NOSIP: variants seen among roughly 807,000 people sequenced by gnomAD.
NOSIP encodes the protein nitric oxide synthase-interacting protein.
A neutral mutation model predicts 36.4 loss-of-function variants in NOSIP; 25 were observed. The ratio of observed to expected loss-of-function variants is 0.69; its 90% confidence interval spans 0.50 to 0.96. NOSIP has a LOEUF of 0.96. Ranked by LOEUF, NOSIP falls within the 40% of genes least tolerant of loss-of-function variation. NOSIP has a pLI of 0.00. For synonymous variants in NOSIP, 187 were observed against 179.2 expected (o/e 1.04, Z -0.35); for missense variants, 370 against 429.0 (o/e 0.86, Z 1.21).
At chr19:49,572,112 CT>C (rs1160355321) in intron 1 of NOSIP, among the ~76,000 whole-genome samples, 10 of 118,014 alleles carry the variant, frequency 8.5e-5, no homozygotes, top group South Asian at 2.9e-4. Context: ...TTTTTTTTTT[CT>C]TTTTTTTTTG....
chr19:49,560,563 G>A lies in NOSIP; in HGVS notation c.70+59C>T. 7.3e-7 allele frequency: 1 copy of A among 1,362,116 alleles called. No individual in the cohort carries two copies. Among genetic ancestry groups the A allele is most frequent in the South Asian group, 1.2e-5 (1 of 80,232 alleles). The allele number at this position is 1,362,116 out of a possible 1,614,324, so 84.4% of individuals were successfully genotyped here. ...GAGGAAGCAAAACCTGGGGCACGAG[G>A]GGAGAGGGTGACTCCAAGACACAGC... is the stretch of plus-strand genomic sequence containing the variant. On this transcript the variant is annotated intron_variant, in intron 2 of 8. Coordinates refer to ENST00000596358, the MANE Select transcript of NOSIP (RefSeq NM_001270960.2). The surrounding 1 kb of genome is among the most constrained non-coding windows in gnomAD (Gnocchi z 4.6).
intron 6 of NOSIP, 61 bp from the exon 7 acceptor site, chr19:49,556,797 G>A (rs2080255149): frequency 6.3e-7 from 1 of 1,593,900 alleles, no homozygotes. Context: ...GAGAGCGCGT[G>A]GTCCCTGTGC....
intron 1 of NOSIP, among the ~76,000 whole-genome samples, chr19:49,568,779 TAA>T (rs1555735527): frequency 1.8e-4 from 20 of 113,828 alleles, no homozygotes; most frequent in East Asian, 2.4e-4. Flanking sequence ...ACCCCATCTC[TAA>T]AAAAAAAAAA....
intron 4 of NOSIP, chr19:49,557,525 A>G (rs1480063516): frequency 3.1e-6 from 4 of 1,285,544 alleles, no homozygotes; most frequent in Non-Finnish European, 4.0e-6. Context: ...ACAGCCTAAC[A>G]GTGGTTACCC....
At chr19:49,571,177 G>A (rs2080479593) in intron 1 of NOSIP, among the ~76,000 whole-genome samples, 1 of 150,084 alleles carries the variant, frequency 6.7e-6, no homozygotes, top group African/African-American at 2.5e-5. Flanking sequence ...GTAGAGACAG[G>A]GTTTCACCAT....
chr19:49,575,598 C>CA (rs1568412122), intron 1 of NOSIP, among the ~76,000 whole-genome samples: 1 of 152,072 alleles, frequency 6.6e-6, no homozygotes, highest in African/African-American at 2.4e-5. Flanking sequence ...TCTAGGAAGT[C>CA]AGAGGATATA....
At chr19:49,576,675 G>A (rs2080557298) in intron 1 of NOSIP, among the ~76,000 whole-genome samples, 1 of 151,500 alleles carries the variant, frequency 6.6e-6, no homozygotes, top group Non-Finnish European at 1.5e-5. Flanking sequence ...ACCTGAGGTT[G>A]GGAATTCGAG....
chr19:49,559,013 G>C, intron 3 of NOSIP, 35 bp from the exon 4 acceptor site: 1 of 1,574,764 alleles, frequency 6.4e-7, no homozygotes. Context: ...AAGAAAGAAA[G>C]TGATCCTCCC....
At chr19:49,563,752 C>G (rs2080366764) in intron 1 of NOSIP, among the ~76,000 whole-genome samples, 1 of 152,086 alleles carries the variant, frequency 6.6e-6, no homozygotes, top group South Asian at 2.1e-4. Context: ...GCCTCGGCCT[C>G]CCAAAGTGCT....
intron 1 of NOSIP, among the ~76,000 whole-genome samples, chr19:49,566,425 T>C (rs2080409051): frequency 6.6e-6 from 1 of 152,042 alleles, no homozygotes; most frequent in African/African-American, 2.4e-5. Context: ...CCTCCCACCA[T>C]AGCTTCCCAA....
intron 1 of NOSIP, among the ~76,000 whole-genome samples, chr19:49,568,044 A>G (rs1568408196): frequency 6.6e-6 from 1 of 152,230 alleles, no homozygotes; most frequent in Non-Finnish European, 1.5e-5. Flanking sequence ...AATCACAGCA[A>G]TATGCAAAAT....
chr19:49,571,305 C>T (rs186342728), intron 1 of NOSIP, among the ~76,000 whole-genome samples: 133 of 152,050 alleles, frequency 8.7e-4, no homozygotes, highest in African/African-American at 3.1e-3. Context: ...ATTTTTAAAA[C>T]TCAGTGATTT....
In NOSIP at chr19:49,557,110, G is replaced by A. The variant is rs2080262627; in HGVS notation, c.398C>T (p.Ala133Val). Reference sequence around the variant, plus strand: ...GTCACCTGGGCTGGTGCCCGAGAGGGCCTTGGCTGTGAAAGGGTTGAGGGG... The same window carrying A: ...GTCACCTGGGCTGGTGCCCGAGAGGACCTTGGCTGTGAAAGGGTTGAGGGG... The part of the protein sequence containing the change: ...SRPLNPFTAK[A>V]LSGTSPDDVQ... The change falls in exon 5 of 9, where the codon GCC becomes GTC. Residue 133 changes from alanine (A) to valine (V), a missense_variant. Coordinates refer to ENST00000596358, the MANE Select transcript of NOSIP (RefSeq NM_001270960.2). 1.2e-6 allele frequency: 2 copies of A among 1,612,716 alleles called. No homozygotes were observed. Among genetic ancestry groups the A allele is most frequent in the Admixed American group, 1.7e-5 (1 of 59,866 alleles).
Position 49,557,256 on chromosome 19 carries a change from C to G in NOSIP, c.259-7G>C. The G allele has an allele frequency of 4.4e-6, 7 of 1,574,462 alleles. No individual in the cohort carries two copies. Among genetic ancestry groups the G allele is most frequent in the Non-Finnish European group, 4.3e-6 (5 of 1,161,390 alleles). On this transcript the variant is annotated splice_polypyrimidine_tract_variant and splice_region_variant and intron_variant, in intron 4 of 8. Transcript: ENST00000596358. ...CCCGCTGCTTCTCGTAGGCCTGCGT[C>G]GGGGAAAGTGGGCTGAGCATCTGCC...
intron 1 of NOSIP, among the ~76,000 whole-genome samples, chr19:49,577,547 GAAAA>G (rs963323693): frequency 2.8e-5 from 4 of 144,840 alleles, no homozygotes; most frequent in Non-Finnish European, 6.1e-5. Flanking sequence ...CTCAAAAAAA[GAAAA>G]AAAAAGAAAA....
chr19:49,568,143 A>G (rs1425639061), intron 1 of NOSIP, among the ~76,000 whole-genome samples: 1 of 152,232 alleles, frequency 6.6e-6, no homozygotes, highest in African/African-American at 2.4e-5. Flanking sequence ...AAAGAAAAAG[A>G]TAAGAACAGA....
rs2080316563 is a variant in NOSIP, at chr19:49,560,408, G to T, written c.70+214C>A. 1.7e-6 allele frequency: 1 copy of T among 597,632 alleles called. No individual in the cohort carries two copies. Among genetic ancestry groups the T allele is most frequent in the Non-Finnish European group, 3.0e-6 (1 of 333,142 alleles). The allele number at this position is 597,632 out of a possible 1,614,324, so 37.0% of individuals were successfully genotyped here. A position where few individuals can be genotyped will look rare whatever the true frequency, so the allele number is the denominator to read the frequency against. ...AGCACCCTCCCTGACACTCTGTTGG[G>T]AGGAGTGAGTTCATGCGCAGAAGGC... is the stretch of plus-strand genomic sequence containing the variant. On this transcript the variant is annotated intron_variant, in intron 2 of 8. Transcript: ENST00000596358. This position sits in a 1 kb window ranked among gnomAD's most constrained non-coding sequence, Gnocchi z 4.6.
chr19:49,560,116 G>T lies in NOSIP; in HGVS notation c.71-77C>A. On this transcript the variant is annotated intron_variant, in intron 2 of 8. Coordinates refer to ENST00000596358, the MANE Select transcript of NOSIP (RefSeq NM_001270960.2). The surrounding 1 kb of genome is among the most constrained non-coding windows in gnomAD (Gnocchi z 4.6). ...GTCCGTCTCCAAAGCCCCAGAGAGA[G>T]GCACAGAGACAACGCGGTGGTGGGG... 1.0e-6 allele frequency: 1 copy of T among 992,228 alleles called. No individual in the cohort carries two copies. 61.5% of individuals were successfully genotyped at this position (992,228 alleles called of 1,614,324 possible).
At chr19:49,570,389 T>C (rs2122157402) in intron 1 of NOSIP, among the ~76,000 whole-genome samples, 1 of 152,242 alleles carries the variant, frequency 6.6e-6, no homozygotes, top group Admixed American at 6.5e-5. Flanking sequence ...ACTGGCGTCT[T>C]CTCAGAAGCC....
Sources: gnomAD v4.1 joint callset for allele counts (sites outside exome capture counted in the v4.1 genomes callset) on GRCh38, gnomAD v4.1.1 for gene constraint, Gnocchi (gnomAD v3.1) non-coding constraint, MANE v1.5 for transcripts, NCBI Gene and HGNC (gene_info 2026-07-23, HGNC 2026-07-21) for gene names.